MAGI3: variants seen among roughly 807,000 people sequenced by gnomAD.
The protein encoded by MAGI3 is membrane-associated guanylate kinase, WW and PDZ domain-containing protein 3.
MAGI3 carries 43 observed loss-of-function variants against 121.8 expected under a neutral mutation model. That is an observed-to-expected ratio of 0.35 (90% CI 0.28 to 0.46). MAGI3 has a LOEUF of 0.46. MAGI3 is among the 20% of genes least tolerant of loss of function. The probability of loss-of-function intolerance (pLI) is 1.00; values close to 1 mark genes in which losing one functional copy is unlikely to be tolerated. For missense variants in MAGI3, 1,547 were observed against 1,797.3 expected, an observed-to-expected ratio of 0.86 and a Z score of 2.52; for synonymous variants, 553 against 639.3, an observed-to-expected ratio of 0.86 and a Z score of 2.04.
At chr1:113,401,684 G>C (rs1651415200) in intron 1 of MAGI3, among the ~76,000 whole-genome samples, 1 of 152,140 alleles carries the variant, frequency 6.6e-6, no homozygotes, top group Admixed American at 6.6e-5. Context: ...CACATTTACT[G>C]AGAGCCTAGA....
rs889979031 is a variant in MAGI3 at position 113,585,275 on chromosome 1, A to G, written c.554-112A>G. On this transcript the variant is annotated intron_variant, in intron 3 of 20. Transcript: ENST00000307546. ...GAGCCACCATGCCCACCCCTATGGTAGATATTTCAAAACTTCTTTGTGAAA... is the reference window on the plus strand; with the variant it reads ...GAGCCACCATGCCCACCCCTATGGTGGATATTTCAAAACTTCTTTGTGAAA... The G allele has an allele frequency of 2.4e-5, 23 of 942,866 alleles. No homozygotes were observed. In the African/African-American group the frequency reaches 3.3e-4, roughly 14 times the overall value. 58.4% of individuals were successfully genotyped at this position (942,866 alleles called of 1,614,324 possible).
chr1:113,485,814 T>C (rs1158946213), intron 1 of MAGI3, among the ~76,000 whole-genome samples: 1 of 152,236 alleles, frequency 6.6e-6, no homozygotes, highest in Admixed American at 6.5e-5. Context: ...ATTTAAGTGT[T>C]TGATCCATCT....
At chr1:113,589,668 A>G (rs1648579252) in intron 4 of MAGI3, among the ~76,000 whole-genome samples, 1 of 152,120 alleles carries the variant, frequency 6.6e-6, no homozygotes, top group African/African-American at 2.4e-5. Context: ...CTAAGGATAT[A>G]TAAGATCTCT....
chr1:113,393,508 C>G (rs1330244508), intron 1 of MAGI3, among the ~76,000 whole-genome samples: 1 of 152,048 alleles, frequency 6.6e-6, no homozygotes, highest in East Asian at 1.9e-4. Flanking sequence ...AAATAGTATT[C>G]TTAGCTTCTT....
chr1:113,623,987 C>T (rs1008535798), intron 9 of MAGI3, among the ~76,000 whole-genome samples: 1 of 152,144 alleles, frequency 6.6e-6, no homozygotes. Flanking sequence ...ACTTATTTCA[C>T]TTAACATAAT....
At chr1:113,608,523 C>A (rs1285773984) in intron 6 of MAGI3, among the ~76,000 whole-genome samples, 2 of 152,182 alleles carry the variant, frequency 1.3e-5, no homozygotes, top group African/African-American at 4.8e-5. Flanking sequence ...AGTACTTAGT[C>A]TTTGGCCTCT....
chr1:113,611,702 G>A (rs1307389069), intron 6 of MAGI3, among the ~76,000 whole-genome samples: 1 of 151,924 alleles, frequency 6.6e-6, no homozygotes, highest in Admixed American at 6.6e-5. Context: ...ATTAAATCAT[G>A]TCACAGTTCA....
At chr1:113,671,237 G>T (rs1343366123) in intron 16 of MAGI3, among the ~76,000 whole-genome samples, 1 of 152,124 alleles carries the variant, frequency 6.6e-6, no homozygotes, top group African/African-American at 2.4e-5. Flanking sequence ...TTTGTCTTTG[G>T]TTCTCAGTGG....
chr1:113,595,605 A>C (rs555315114), intron 6 of MAGI3, among the ~76,000 whole-genome samples: 134 of 152,348 alleles, frequency 8.8e-4, no homozygotes, highest in Non-Finnish European at 1.6e-3. Context: ...AGGAAGAAGC[A>C]ATCAGAAAAT....
chr1:113,553,075 C>T (rs574179045), intron 2 of MAGI3, among the ~76,000 whole-genome samples: 48 of 152,122 alleles, frequency 3.2e-4, no homozygotes, highest in Non-Finnish European at 5.3e-4. Context: ...TGAGCAACAA[C>T]GTTGAAAAAA....
chr1:113,623,960 T>C lies in MAGI3; in HGVS notation c.1360+966T>C, dbSNP rs566081458. On this transcript the variant is annotated intron_variant, in intron 9 of 20. Transcript: ENST00000307546. ...ACAAAGAAATGAGAGCATTCAAAGT[T>C]TGTGTTTCTTTGCCTGACTTATTTC... 3.3e-5 allele frequency among the ~76,000 whole-genome samples: 5 copies of C among 152,294 alleles called. No homozygotes were observed. The South Asian group carries it at 8.3e-4, about 25-fold the overall frequency.
At position 113,539,303 on chromosome 1, in the gene MAGI3, G is replaced by C. The variant is rs558398877; in HGVS notation, c.317-10212G>C. On this transcript the variant is annotated intron_variant, in intron 1 of 20. Coordinates refer to ENST00000307546, the MANE Select transcript of MAGI3 (RefSeq NM_001142782.2). ...AGCTGCTCGGGAGGCTGAGGCAGGA[G>C]AATTGCTTGAACCCGGGAGGTGGAG... Among the ~76,000 whole-genome samples the C allele has an allele frequency of 5.9e-5, 9 of 151,452 alleles. No individual in the cohort carries two copies. In the South Asian group the frequency reaches 1.0e-3, roughly 18 times the overall value.
chr1:113,601,527 A>G (rs1330574194), intron 6 of MAGI3, among the ~76,000 whole-genome samples: 1 of 148,276 alleles, frequency 6.7e-6, no homozygotes, highest in Non-Finnish European at 1.5e-5. Context: ...ATGAGATACC[A>G]TCTCACACCA....
At chr1:113,627,016 A>G (rs1019934479) in intron 9 of MAGI3, among the ~76,000 whole-genome samples, 1 of 151,950 alleles carries the variant, frequency 6.6e-6, no homozygotes, top group Non-Finnish European at 1.5e-5. Context: ...AAGATGCATC[A>G]TGAGGTTATT....
chr1:113,456,077 AGTAGCTGG>A (rs889633595), intron 1 of MAGI3, among the ~76,000 whole-genome samples: 1 of 147,656 alleles, frequency 6.8e-6, no homozygotes, highest in African/African-American at 2.5e-5. Flanking sequence ...CAGCCTCCCG[AGTAGCTGG>A]GACTACAGGC....
intron 1 of MAGI3, among the ~76,000 whole-genome samples, chr1:113,473,124 G>A (rs1655624792): frequency 6.6e-6 from 1 of 152,032 alleles, no homozygotes. Context: ...TTCTTGTAAG[G>A]CAGGTTCAGT....
chr1:113,539,649 C>T (rs943946748), intron 1 of MAGI3, among the ~76,000 whole-genome samples: 6 of 151,946 alleles, frequency 3.9e-5, no homozygotes, highest in East Asian at 1.9e-4. Context: ...CCCACTAACT[C>T]GTCATCTAGC....
Position 113,642,358 on chromosome 1 carries a change from T to G in MAGI3, c.1808T>G (p.Met603Arg). ...AGCCCTACTGGACAGAAGGTGAAAA[T>G]GATACTGGATAGTCAGTGGTGTCAA... ...ADSPTGQKVK[M>R]ILDSQWCQGL... is the part of the protein sequence containing the mutation. The change falls in exon 10 of 21, where the codon ATG becomes AGG. Residue 603 changes from methionine to arginine, a missense_variant. Coordinates refer to ENST00000307546, the MANE Select transcript of MAGI3 (RefSeq NM_001142782.2). 2 of 1,614,050 alleles carry G rather than the reference T, an allele frequency of 1.2e-6. No homozygotes were observed. The highest frequency in any genetic ancestry group is 1.3e-5 in the African/African-American group (1 of 74,984).
At chr1:113,583,769 G>C (rs1648190182) in intron 3 of MAGI3, among the ~76,000 whole-genome samples, 1 of 75,710 alleles carries the variant, frequency 1.3e-5, no homozygotes, top group Admixed American at 1.2e-4. Flanking sequence ...AGTTTAGTCT[G>C]TTTTCATACA....
Sources: gnomAD v4.1 joint callset for allele counts (sites outside exome capture counted in the v4.1 genomes callset) on GRCh38, gnomAD v4.1.1 for gene constraint, MANE v1.5 for transcripts, NCBI Gene and HGNC (gene_info 2026-07-23, HGNC 2026-07-21) for gene names.